The following CSMD1 variants were observed in gnomAD, a reference collection of about 807,000 sequenced individuals.
The protein encoded by CSMD1 is CUB and Sushi multiple domains 1.
CSMD1 carries 213 observed loss-of-function variants against 417.5 expected under a neutral mutation model. The ratio of observed to expected loss-of-function variants is 0.51; its 90% confidence interval spans 0.46 to 0.57. The LOEUF (loss-of-function observed/expected upper bound fraction) is 0.57. Among genes scored for constraint, CSMD1 ranks in the 20% least tolerant of loss-of-function variants. The pLI is 0.00. For missense variants in CSMD1, 6,923 were observed against 4,529.7 expected, an observed-to-expected ratio of 1.53 and a Z score of -15.17; for synonymous variants, 2,862 against 1,736.8, an observed-to-expected ratio of 1.65 and a Z score of -16.11.
chr8:4,733,978 TGTGAA>T (rs1190817628), intron 1 of CSMD1, among the ~76,000 whole-genome samples: 1 of 152,208 alleles, frequency 6.6e-6, no homozygotes. Flanking sequence ...CCCCTATGCA[TGTGAA>T]GTGAAGATTC....
intron 5 of CSMD1, among the ~76,000 whole-genome samples, chr8:3,954,491 T>C (rs575124276): frequency 1.3e-5 from 2 of 152,128 alleles, no homozygotes; most frequent in Non-Finnish European, 2.9e-5. Context: ...CTCAGCTTCC[T>C]GAGTAGCTGG....
At chr8:3,672,484 G>A (rs1310644302) in intron 7 of CSMD1, among the ~76,000 whole-genome samples, 8 of 151,918 alleles carry the variant, frequency 5.3e-5, no homozygotes, top group African/African-American at 1.2e-4. Flanking sequence ...TAGGTCTGCT[G>A]CTATTTCAGT....
chr8:3,047,014 C>T (rs1275819040), intron 50 of CSMD1, among the ~76,000 whole-genome samples: 16 of 150,508 alleles, frequency 1.1e-4, no homozygotes, highest in Admixed American at 7.2e-4. Flanking sequence ...TTGAGACCAG[C>T]CTGGCCAACA....
chr8:4,663,207 G>C (rs1804711767), intron 1 of CSMD1, among the ~76,000 whole-genome samples: 1 of 152,148 alleles, frequency 6.6e-6, no homozygotes, highest in African/African-American at 2.4e-5. Context: ...AGACAAGCCT[G>C]AGACACATTA....
intron 3 of CSMD1, among the ~76,000 whole-genome samples, chr8:4,206,667 C>T (rs751345117): frequency 3.3e-5 from 5 of 152,138 alleles, no homozygotes; most frequent in Admixed American, 2.0e-4. Flanking sequence ...GTCTTTACAG[C>T]AGCATGATCT....
intron 5 of CSMD1, among the ~76,000 whole-genome samples, chr8:3,916,199 A>G (rs1429165378): frequency 6.6e-6 from 1 of 152,202 alleles, no homozygotes; most frequent in African/African-American, 2.4e-5. Context: ...ATGATGAAGT[A>G]GAGACTTCCA....
At chr8:3,267,048 G>C (rs149298348) in intron 26 of CSMD1, among the ~76,000 whole-genome samples, 2 of 152,178 alleles carry the variant, frequency 1.3e-5, no homozygotes, top group African/African-American at 2.4e-5. Flanking sequence ...TCAGAGACTT[G>C]AGCATATTTA....
intron 25 of CSMD1, 81 bp from the exon 26 acceptor site, chr8:3,284,427 T>C: frequency 1.8e-6 from 2 of 1,088,532 alleles, no homozygotes; most frequent in Middle Eastern, 5.9e-4. Context: ...AGCAAGCTCA[T>C]TTCGCTTTCA....
intron 5 of CSMD1, among the ~76,000 whole-genome samples, chr8:3,986,381 C>G (rs948868382): frequency 1.3e-5 from 2 of 152,122 alleles, no homozygotes; most frequent in African/African-American, 4.8e-5. Context: ...GCCAACCTTC[C>G]TAACCACAGG....
intron 12 of CSMD1, among the ~76,000 whole-genome samples, chr8:3,411,657 T>A (rs1415429709): frequency 7.7e-6 from 1 of 130,042 alleles, no homozygotes; most frequent in Non-Finnish European, 1.6e-5. Flanking sequence ...TAGTCCATCA[T>A]ATATATATAT....
chr8:3,386,782 T>C (rs1314369156), intron 18 of CSMD1, among the ~76,000 whole-genome samples: 2 of 152,166 alleles, frequency 1.3e-5, no homozygotes, highest in South Asian at 2.1e-4. Context: ...TTATTTTCCA[T>C]AGAAACAATG....
chr8:3,033,899 G>C (rs192087561), intron 50 of CSMD1, among the ~76,000 whole-genome samples: 10 of 152,230 alleles, frequency 6.6e-5, no homozygotes, highest in African/African-American at 2.2e-4. Context: ...CTCAACTCAA[G>C]AGGATGTGGT....
intron 26 of CSMD1, among the ~76,000 whole-genome samples, chr8:3,276,540 A>C (rs1245575601): frequency 6.6e-6 from 1 of 152,172 alleles, no homozygotes; most frequent in Non-Finnish European, 1.5e-5. Context: ...CAGCAGAAGA[A>C]AGACCTGCTC....
At chr8:3,462,179 C>G (rs1486304866) in intron 12 of CSMD1, among the ~76,000 whole-genome samples, 9 of 152,078 alleles carry the variant, frequency 5.9e-5, no homozygotes, top group Admixed American at 5.9e-4. Context: ...TTTCAGGAAT[C>G]ATCCCAAGCA....
rs181774565 is a variant in CSMD1 at position 3,411,804 on chromosome 8, A to G, written c.1562-2199T>C. On this transcript the variant is annotated intron_variant, in intron 12 of 69. Transcript: ENST00000635120. ...TACCTGTATATATACACGTATATAT[A>G]CACGTATATATACGTGTATATGTAT... Among the ~76,000 whole-genome samples, 327 of 125,220 alleles carry G rather than the reference A, an allele frequency of 2.6e-3. 12 individuals are homozygous for G. The highest frequency in any genetic ancestry group is 4.7e-3 in the Middle Eastern group (1 of 212). 82.1% of individuals were successfully genotyped at this position (125,220 alleles called of 152,430 possible). A position where few individuals can be genotyped will look rare whatever the true frequency, so the allele number is the denominator to read the frequency against.
At chr8:3,946,558 AAAAC>A (rs751428319) in intron 5 of CSMD1, among the ~76,000 whole-genome samples, 282 of 152,248 alleles carry the variant, frequency 1.9e-3, no homozygotes, top group African/African-American at 5.8e-3. Context: ...TCAATTCCTA[AAAAC>A]AAACAAACAA....
intron 50 of CSMD1, among the ~76,000 whole-genome samples, chr8:3,041,075 TA>T (rs1396051281): frequency 1.3e-5 from 2 of 152,190 alleles, no homozygotes; most frequent in Admixed American, 1.3e-4. Flanking sequence ...ATAATTTTCT[TA>T]ACCAACATGA....
chr8:4,652,589 T>C (rs1450976787), intron 1 of CSMD1, among the ~76,000 whole-genome samples: 1 of 151,572 alleles, frequency 6.6e-6, no homozygotes, highest in South Asian at 2.1e-4. Flanking sequence ...GAGGCAGAGG[T>C]TGCAGTGGGC....
intron 3 of CSMD1, among the ~76,000 whole-genome samples, chr8:4,144,781 A>G (rs1420194207): frequency 6.6e-6 from 1 of 151,002 alleles, no homozygotes; most frequent in Non-Finnish European, 1.5e-5. Flanking sequence ...TGATGGATTT[A>G]CCAGGTTGTC....
Sources: allele counts gnomAD v4.1 joint callset (sites outside exome capture counted in the v4.1 genomes callset), GRCh38; gene constraint gnomAD v4.1.1; transcripts MANE v1.5; gene names NCBI Gene and HGNC (gene_info 2026-07-23, HGNC 2026-07-21).